The following ZNF582 variants were observed in gnomAD, a reference collection of about 807,000 sequenced individuals.
The protein encoded by ZNF582 is zinc finger protein 582.
Under a neutral mutation model 12.3 loss-of-function variants are expected in ZNF582, and 14 were observed. That is an observed-to-expected ratio of 1.14 (90% CI 0.75 to 1.78). The LOEUF is 1.78. Ranked by LOEUF, ZNF582 falls within the 40% of genes most tolerant of loss-of-function variation. The pLI, the probability that ZNF582 is intolerant of heterozygous loss-of-function variation, is 0.00. For missense variants in ZNF582, 567 were observed against 616.5 expected (o/e 0.92, Z 0.85); for synonymous variants, 210 against 207.2 (o/e 1.01, Z -0.11).
rs376625150 is a variant in ZNF582 at position 56,389,300 on chromosome 19, T to G, written c.232+701A>C. Among the ~76,000 whole-genome samples the G allele has an allele frequency of 2.6e-5, 4 of 152,214 alleles. No homozygotes were observed. The South Asian group carries it at 8.3e-4, about 32-fold the overall frequency. ...AAAAGCTTAATAAGTACTTGTTAAC[T>G]GACTCCAGAATTCAAACAAACCGAT... On this transcript the variant is annotated intron_variant, in intron 4 of 4. Transcript: ENST00000586929.
At position 56,384,780 on chromosome 19, in the gene ZNF582, G is replaced by A. The variant is rs778511522; in HGVS notation, c.637C>T (p.Arg213Ter). 1.6e-5 allele frequency: 25 copies of A among 1,595,504 alleles called. 1 individual carries two copies. Among genetic ancestry groups the A allele is most frequent in the Non-Finnish European group, 1.9e-5 (22 of 1,172,288 alleles). Residue 213 changes from arginine to a stop codon, truncating the protein, a stop_gained, in exon 5 of 5, where the codon CGA (arginine) becomes TGA (stop). Coordinates refer to ENST00000586929, the Ensembl canonical transcript of ZNF582. LOFTEE classifies it low-confidence loss of function (END_TRUNC). ...TGAATATTCTCATGTTGAATTAGTCGTGAGCCATATTTAAAGGCCTTCCCA... is the reference window on the plus strand; with the variant it reads ...TGAATATTCTCATGTTGAATTAGTCATGAGCCATATTTAAAGGCCTTCCCA...
At chr19:56,385,138 A>G in exon 5 of ZNF582, 2 of 1,611,120 alleles carry the variant, frequency 1.2e-6, no homozygotes, top group Non-Finnish European at 1.7e-6. Flanking sequence ...CTTCATAAAC[A>G]TGCTGCTTTG....
chr19:56,387,120 A>G, intron 4 of ZNF582, among the ~76,000 whole-genome samples: 1 of 152,248 alleles, frequency 6.6e-6, no homozygotes, highest in East Asian at 1.9e-4. Context: ...ATTTCAGTAT[A>G]TATGAGTGCT....
Position 56,384,567 on chromosome 19 carries a change from G to A in ZNF582, c.850C>T (p.Gln284Ter). The A allele has an allele frequency of 6.2e-7, 1 of 1,613,934 alleles. No homozygotes were observed. The highest frequency in any genetic ancestry group is 1.3e-5 in the African/African-American group (1 of 74,994). The change falls in exon 5 of 5, where the codon CAG becomes TAG. Residue 284 changes from glutamine (Q) to a stop codon, truncating the protein, a stop_gained. Transcript: ENST00000586929. LOFTEE classifies it low-confidence loss of function (END_TRUNC). Reference sequence around the variant, plus strand: ...AAGGCCTTGCCACATTCCTTACACTGATAGGGTTTCTCGCCTGTGTGAGTT... The same window carrying A: ...AAGGCCTTGCCACATTCCTTACACTAATAGGGTTTCTCGCCTGTGTGAGTT...
chr19:56,384,396 A>C (rs1410773359), exon 5 of ZNF582: 1 of 1,604,234 alleles, frequency 6.2e-7, no homozygotes, highest in African/African-American at 1.3e-5. Context: ...CATTCCTTAC[A>C]TTCATAGAGT....
chr19:56,384,791 T>G, exon 5 of ZNF582: 9 of 1,597,280 alleles, frequency 5.6e-6, no homozygotes, highest in Non-Finnish European at 7.7e-6. Context: ...TGAGCCATAT[T>G]TAAAGGCCTT....
chr19:56,387,893 A>G (rs2041981282), intron 4 of ZNF582, among the ~76,000 whole-genome samples: 1 of 152,258 alleles, frequency 6.6e-6, no homozygotes, highest in African/African-American at 2.4e-5. Context: ...AGAAACATAA[A>G]ATTGTTTTAT....
In ZNF582 at chr19:56,385,200, A is replaced by G; in HGVS notation, c.233-16T>C. 1 of 1,554,244 alleles carries G rather than the reference A, an allele frequency of 6.4e-7. No homozygotes were observed. Among genetic ancestry groups the G allele is most frequent in the Non-Finnish European group, 8.6e-7 (1 of 1,160,056 alleles). On this transcript the variant is annotated splice_polypyrimidine_tract_variant and intron_variant, in intron 4 of 4. Coordinates refer to ENST00000586929, the Ensembl canonical transcript of ZNF582. Reference sequence around the variant, plus strand: ...GACTCCAATACTAAGAATGAAAAAAAGCGAATATGTTTGGCTTCTTTTTTT... The same window carrying G: ...GACTCCAATACTAAGAATGAAAAAAGGCGAATATGTTTGGCTTCTTTTTTT...
chr19:56,392,522 A>G (rs1485460599), intron 1 of ZNF582, among the ~76,000 whole-genome samples: 1 of 152,248 alleles, frequency 6.6e-6, no homozygotes, highest in Admixed American at 6.5e-5. Context: ...AGAACTGAAA[A>G]TTAGTACGTA....
At chr19:56,392,105 C>A (rs1401806906) in intron 1 of ZNF582, among the ~76,000 whole-genome samples, 2 of 152,222 alleles carry the variant, frequency 1.3e-5, no homozygotes, top group Admixed American at 6.5e-5. Context: ...GAGGGCTGTT[C>A]TAGTGACTGA....
At chr19:56,389,259 T>A (rs943023419) in intron 4 of ZNF582, among the ~76,000 whole-genome samples, 66 of 152,182 alleles carry the variant, frequency 4.3e-4, no homozygotes, top group African/African-American at 1.2e-3. Flanking sequence ...CTGTGGCATA[T>A]TCCATGGTGC....
Position 56,386,860 on chromosome 19 carries a change from T to C in ZNF582, c.233-1676A>G, listed in dbSNP as rs2041970531. Among the ~76,000 whole-genome samples, 5 of 152,230 alleles carry C rather than the reference T, an allele frequency of 3.3e-5. No individual in the cohort carries two copies. In the South Asian group the frequency reaches 1.0e-3, roughly 32 times the overall value. On this transcript the variant is annotated intron_variant, in intron 4 of 4. Transcript: ENST00000586929. ...ACCATCCCCAGCCTCAAAGTACTTT[T>C]TGCTGAGAATTTGATTCTGTCCTAA...
At chr19:56,384,128 T>C (rs1315344488) in exon 5 of ZNF582, 1 of 1,612,816 alleles carries the variant, frequency 6.2e-7, no homozygotes, top group Admixed American at 1.7e-5. Flanking sequence ...ACTAAAAGCC[T>C]TCCCACATTC....
exon 5 of ZNF582, chr19:56,382,795 A>C (rs2041928706): frequency 1.3e-5 from 2 of 152,210 alleles, no homozygotes; most frequent in African/African-American, 2.4e-5. Flanking sequence ...ACAAGGCATC[A>C]AAAAGGCAGT....
chr19:56,384,156 TTTCACCTGTATGAA>T lies in ZNF582; in HGVS notation c.1247_1260del (p.Ile416LysfsTer4). The stretch of plus-strand genomic sequence containing the variant: ...CCACATTCCTTACATTCATATGGCT[TTTCACCTGTATGAA>T]TTCTGTAATGTACAGTAAGATGTGA... On this transcript the variant is annotated frameshift_variant, in exon 5 of 5. Coordinates refer to ENST00000586929, the Ensembl canonical transcript of ZNF582. LOFTEE classifies it low-confidence loss of function (END_TRUNC). 6.2e-7 allele frequency: 1 copy of T among 1,612,642 alleles called. No individual in the cohort carries two copies. The highest frequency in any genetic ancestry group is 2.2e-5 in the East Asian group (1 of 44,850).
intron 2 of ZNF582, 69 bp from the exon 3 acceptor site, chr19:56,390,570 C>T: frequency 1.3e-6 from 2 of 1,569,964 alleles, no homozygotes; most frequent in Non-Finnish European, 1.7e-6. Context: ...GGAGATGGGG[C>T]AGGTCTTTGC....
At chr19:56,391,129 A>C (rs1490411252) in intron 2 of ZNF582, among the ~76,000 whole-genome samples, 2 of 152,146 alleles carry the variant, frequency 1.3e-5, no homozygotes, top group Non-Finnish European at 2.9e-5. Flanking sequence ...CCGAGGTTGG[A>C]TCAGATCTCT....
At chr19:56,384,179 T>C (rs769944659) in exon 5 of ZNF582, 2 of 1,612,050 alleles carry the variant, frequency 1.2e-6, no homozygotes, top group South Asian at 2.2e-5. Context: ...AATTCTGTAA[T>C]GTACAGTAAG....
At chr19:56,391,957 G>C (rs1457712721) in intron 1 of ZNF582, 125 bp from the exon 2 acceptor site, 143 of 772,266 alleles carry the variant, frequency 1.9e-4, no homozygotes, top group Non-Finnish European at 1.3e-4. Flanking sequence ...GGGAGGCAAA[G>C]GGATCCTCAC....
Sources: allele counts gnomAD v4.1 joint callset (sites outside exome capture counted in the v4.1 genomes callset), GRCh38; gene constraint gnomAD v4.1.1; transcripts MANE v1.5; gene names NCBI Gene and HGNC (gene_info 2026-07-23, HGNC 2026-07-21).